Variants in RIN3 observed in about 807,000 individuals in gnomAD.
RIN3 encodes the protein Ras and Rab interactor 3.
A neutral mutation model predicts 76.3 loss-of-function variants in RIN3; 54 were observed. The ratio of observed to expected loss-of-function variants is 0.71; its 90% CI spans 0.57 to 0.89. The LOEUF (loss-of-function observed/expected upper bound fraction) is 0.89, where lower values mean the gene tolerates loss of function less well. Ranked by LOEUF, RIN3 falls within the 40% of genes least tolerant of loss-of-function variation. RIN3 has a pLI of 0.00. For synonymous variants in RIN3, 576 were observed against 564.0 expected, an observed-to-expected ratio of 1.02 and a Z score of -0.30; for missense variants, 1,256 against 1,322.1, an observed-to-expected ratio of 0.95 and a Z score of 0.78.
At chr14:92,642,324 T>C (rs889137967) in intron 5 of RIN3, among the ~76,000 whole-genome samples, 2 of 152,006 alleles carry the variant, frequency 1.3e-5, no homozygotes, top group African/African-American at 4.8e-5. Flanking sequence ...CTCAAACTCC[T>C]GGCCTCAAGC....
At position 92,688,575 on chromosome 14, in the gene RIN3, T is replaced by G; in HGVS notation, c.*323T>G. 1 of 383,570 alleles carries G rather than the reference T, an allele frequency of 2.6e-6. No individual in the cohort carries two copies. Among genetic ancestry groups the G allele is most frequent in the Non-Finnish European group, 4.7e-6 (1 of 210,552 alleles). 23.8% of individuals were successfully genotyped at this position (383,570 alleles called of 1,614,324 possible). A position where few individuals can be genotyped will look rare whatever the true frequency, so the allele number is the denominator to read the frequency against. ...TCTTCACACGTAGCTCCTCAGGCCA[T>G]TCCCCATGAGTCCCCCACACCCACC... On this transcript the variant is annotated 3_prime_UTR_variant, in exon 10 of 10. Coordinates refer to ENST00000216487, the MANE Select transcript of RIN3 (RefSeq NM_024832.5).
At chr14:92,612,824 G>T (rs1054031741) in intron 3 of RIN3, among the ~76,000 whole-genome samples, 1 of 152,238 alleles carries the variant, frequency 6.6e-6, no homozygotes, top group Non-Finnish European at 1.5e-5. Context: ...GGGCCTCTGC[G>T]TCTAGCGTCG....
At position 92,555,859 on chromosome 14, in the gene RIN3, C is replaced by T; in HGVS notation, c.153C>T (p.Ser51=). ...KNCLPHRRGI[S]ILEKLIKTCP... is the part of the protein sequence containing the mutation. ...GCCTTCCTCACCGCCGGGGCATCAG[C>T]ATCCTGGAGAAGCTCATCAAAACAT... The change falls in exon 2 of 10, where the codon AGC becomes AGT. Residue 51 remains serine, a synonymous_variant. Coordinates refer to ENST00000216487, the MANE Select transcript of RIN3 (RefSeq NM_024832.5). 6.2e-7 allele frequency: 1 copy of T among 1,614,178 alleles called. No homozygotes were observed. Among genetic ancestry groups the T allele is most frequent in the Non-Finnish European group, 8.5e-7 (1 of 1,180,024 alleles).
chr14:92,513,922 C>T lies in RIN3; in HGVS notation c.-11C>T. ...AGCGCCTCCGTTCCCCGTCCCGGAG[C>T]TGCCGGCGGCATGATCCGACACGCC... On this transcript the variant is annotated 5_prime_UTR_variant, in exon 1 of 10. Coordinates refer to ENST00000216487, the MANE Select transcript of RIN3 (RefSeq NM_024832.5). 1 of 1,251,030 alleles carries T rather than the reference C, an allele frequency of 8.0e-7. No individual in the cohort carries two copies. Among genetic ancestry groups the T allele is most frequent in the Non-Finnish European group, 1.0e-6 (1 of 997,972 alleles). The allele number at this position is 1,251,030 out of a possible 1,614,324, so 77.5% of individuals were successfully genotyped here.
At chr14:92,635,943 G>A (rs1175466068) in intron 4 of RIN3, among the ~76,000 whole-genome samples, 1 of 152,196 alleles carries the variant, frequency 6.6e-6, no homozygotes, top group Non-Finnish European at 1.5e-5. Flanking sequence ...TGGCAATTAG[G>A]AAATAATTTT....
intron 4 of RIN3, among the ~76,000 whole-genome samples, chr14:92,631,164 G>A (rs1886564820): frequency 1.3e-5 from 2 of 152,296 alleles, no homozygotes; most frequent in South Asian, 4.1e-4. Context: ...CTGGTCCTGA[G>A]CAAGCCTACC....
intron 3 of RIN3, among the ~76,000 whole-genome samples, chr14:92,578,489 C>T (rs1035515004): frequency 2.0e-5 from 3 of 152,110 alleles, no homozygotes; most frequent in Admixed American, 2.0e-4. Context: ...CCCAGATAGA[C>T]CCAATTTATC....
intron 1 of RIN3, among the ~76,000 whole-genome samples, chr14:92,552,566 T>C (rs1457708666): frequency 2.6e-5 from 4 of 151,976 alleles, no homozygotes; most frequent in African/African-American, 4.8e-5. Flanking sequence ...CCTGCCACTC[T>C]CACCCTTCTC....
chr14:92,515,145 TCTC>T (rs1362589295), intron 1 of RIN3: 1 of 672,470 alleles, frequency 1.5e-6, no homozygotes, highest in Non-Finnish European at 2.7e-6. Flanking sequence ...CTTCCCTTCT[TCTC>T]CCTCCATCCT....
chr14:92,622,034 C>T (rs1190872349), intron 4 of RIN3, among the ~76,000 whole-genome samples: 2 of 152,220 alleles, frequency 1.3e-5, no homozygotes, highest in Non-Finnish European at 2.9e-5. Flanking sequence ...GGGCATCACA[C>T]ATTAACCAGG....
At chr14:92,529,996 T>C (rs1472024189) in intron 1 of RIN3, among the ~76,000 whole-genome samples, 1 of 152,236 alleles carries the variant, frequency 6.6e-6, no homozygotes, top group Non-Finnish European at 1.5e-5. Context: ...GACCAGACGC[T>C]TGCAGGAACC....
At chr14:92,544,037 G>C (rs1897189491) in intron 1 of RIN3, among the ~76,000 whole-genome samples, 1 of 151,992 alleles carries the variant, frequency 6.6e-6, no homozygotes, top group Admixed American at 6.5e-5. Flanking sequence ...ATCTCATTTA[G>C]TAGTTACCAT....
chr14:92,561,296 C>T (rs900210138), intron 2 of RIN3, among the ~76,000 whole-genome samples: 18 of 151,202 alleles, frequency 1.2e-4, no homozygotes, highest in Admixed American at 4.6e-4. Context: ...GGTGCTCAGG[C>T]TAGGGATTCA....
At chr14:92,610,735 G>A (rs535043284) in intron 3 of RIN3, among the ~76,000 whole-genome samples, 41 of 152,294 alleles carry the variant, frequency 2.7e-4, no homozygotes, top group African/African-American at 8.7e-4. Flanking sequence ...AGGCAAGGAG[G>A]TGGGAGTGAG....
Position 92,681,666 on chromosome 14 carries a change from C to G in RIN3, c.2468-3321C>G, listed in dbSNP as rs1216916242. 6.6e-6 allele frequency among the ~76,000 whole-genome samples: 1 copy of G among 152,134 alleles called. No individual in the cohort carries two copies. Among genetic ancestry groups the G allele is most frequent in the African/African-American group, 2.4e-5 (1 of 41,422 alleles). The stretch of plus-strand genomic sequence containing the variant: ...CATTCCCAGCCAGGAAGACATAAGC[C>G]AGACAGGAAACAGGACGACTGAGGG... On this transcript the variant is annotated intron_variant, in intron 8 of 9. Transcript: ENST00000216487. The surrounding 1 kb of genome is among the most constrained non-coding windows in gnomAD (Gnocchi z 4.7).
In RIN3 at chr14:92,665,417, C is replaced by T. The variant is rs190333559; in HGVS notation, c.2335+5948C>T. ...TTTTTGAGACAGAGTCTCGCTCTAT[C>T]GCCCAGGCTGGAGTGCAGTGGCGCA... On this transcript the variant is annotated intron_variant, in intron 7 of 9. Coordinates refer to ENST00000216487, the MANE Select transcript of RIN3 (RefSeq NM_024832.5). Among the ~76,000 whole-genome samples the T allele has an allele frequency of 3.4e-3, 477 of 139,366 alleles. 2 individuals carry two copies. The highest frequency in any genetic ancestry group is 0.012 in the African/African-American group (443 of 37,116). 91.4% of individuals were successfully genotyped at this position (139,366 alleles called of 152,430 possible).
intron 3 of RIN3, among the ~76,000 whole-genome samples, chr14:92,608,123 A>G (rs1048949877): frequency 2.6e-5 from 4 of 152,178 alleles, no homozygotes; most frequent in Non-Finnish European, 5.9e-5. Context: ...ATGTGATAAA[A>G]TTGCCTAATA....
chr14:92,616,193 G>A (rs1001155356), intron 4 of RIN3, among the ~76,000 whole-genome samples: 16 of 152,170 alleles, frequency 1.1e-4, no homozygotes, highest in African/African-American at 3.6e-4. Flanking sequence ...GGGTGTCCGG[G>A]TTCTTGGTGT....
chr14:92,670,506 G>A (rs1446880997), intron 7 of RIN3, among the ~76,000 whole-genome samples: 1 of 152,158 alleles, frequency 6.6e-6, no homozygotes, highest in Non-Finnish European at 1.5e-5. Flanking sequence ...AGGCTGCTCA[G>A]GAAGGAGAGG....
Sources: allele counts gnomAD v4.1 joint callset (sites outside exome capture counted in the v4.1 genomes callset), GRCh38; gene constraint gnomAD v4.1.1; non-coding constraint Gnocchi (gnomAD v3.1); transcripts MANE v1.5; gene names NCBI Gene and HGNC (gene_info 2026-07-23, HGNC 2026-07-21).